ARSH: variants seen among roughly 807,000 people sequenced by gnomAD.
ARSH encodes the protein arylsulfatase family member H, also known as arylsulfatase H.
A neutral mutation model predicts 28.7 loss-of-function variants in ARSH; 32 were observed. That is an observed-to-expected ratio of 1.11 (90% CI 0.84 to 1.50). The LOEUF (loss-of-function observed/expected upper bound fraction) is 1.50. Among genes scored for constraint, ARSH ranks in the 40% most tolerant of loss-of-function variants. The pLI, the probability that ARSH is intolerant of heterozygous loss-of-function variation, is 0.00. For missense variants in ARSH, 440 were observed against 452.4 expected (o/e 0.97, Z 0.25); for synonymous variants, 176 against 177.3 (o/e 0.99, Z 0.06).
intron 2 of ARSH, 33 bp downstream of exon 2, chrX:3,010,184 C>G (rs1186761543): frequency 1.7e-6 from 2 of 1,196,440 alleles, no homozygotes; most frequent in East Asian, 6.0e-5. Context: ...ACATTTCAGT[C>G]TCACCAGAAT....
rs777643337 is a variant in ARSH, at chrX:3,029,215, A to G, written c.1200-32A>G. 16 of 1,189,173 alleles carry G rather than the reference A, an allele frequency of 1.3e-5. No individual in the cohort carries two copies. In the Middle Eastern group the frequency reaches 7.0e-4, roughly 52 times the overall value. On this transcript the variant is annotated intron_variant, in intron 7 of 8. Transcript: ENST00000381130. Reference sequence around the variant, plus strand: ...TGCGTGACTGAACCATGCCTCTCTCATCACCTTCTACACACCCCCTTCTCT... The same window carrying G: ...TGCGTGACTGAACCATGCCTCTCTCGTCACCTTCTACACACCCCCTTCTCT...
Position 3,015,338 on chromosome X carries a change from A to G in ARSH, c.709A>G (p.Lys237Glu), listed in dbSNP as rs369509473. 1 of 1,210,113 alleles carries G rather than the reference A, an allele frequency of 8.3e-7. No homozygotes were observed. Among genetic ancestry groups the G allele is most frequent in the Non-Finnish European group, 1.1e-6 (1 of 895,319 alleles). ...CCATGAAATTATCCAGCAGCCAATGAAAGAGGAGAAAGTAGCTTCCCTCAT... is the reference window on the plus strand; with the variant it reads ...CCATGAAATTATCCAGCAGCCAATGGAAGAGGAGAAAGTAGCTTCCCTCAT... Reference protein sequence around the residue: ...RNHEIIQQPMKEEKVASLMLK... With the variant: ...RNHEIIQQPMEEEKVASLMLK... The change falls in exon 4 of 9, where the codon AAA becomes GAA. Residue 237 changes from lysine to glutamate, a missense_variant. Transcript: ENST00000381130.
intron 1 of ARSH, among the ~76,000 whole-genome samples, chrX:3,006,973 G>A (rs781446051): frequency 9.0e-6 from 1 of 110,831 alleles, no homozygotes; most frequent in African/African-American, 3.3e-5. Context: ...CAGGCATGGC[G>A]GCTCAAGCCT....
In ARSH at chrX:3,006,913, C is replaced by T. The variant is rs181271675; in HGVS notation, c.92+209C>T. Among the ~76,000 whole-genome samples the T allele has an allele frequency of 1.4e-3, 158 of 110,788 alleles. 1 individual carries two copies. Among genetic ancestry groups the T allele is most frequent in the African/African-American group, 5.0e-3 (152 of 30,545 alleles). ...CTTAGATTCTAGCTGTTGGTGGTGG[C>T]GTTTTCATTGTTGGGCAAAATTTAC... On this transcript the variant is annotated intron_variant, in intron 1 of 8. Coordinates refer to ENST00000381130, the MANE Select transcript of ARSH (RefSeq NM_001011719.2).
chrX:3,018,786 G>T, intron 5 of ARSH, 116 bp downstream of exon 5: 1 of 786,397 alleles, frequency 1.3e-6, no homozygotes, highest in Non-Finnish European at 1.8e-6. Flanking sequence ...TACCTGAAAA[G>T]TATCTGTTTC....
intron 2 of ARSH, among the ~76,000 whole-genome samples, chrX:3,012,466 G>C (rs192219620): frequency 0.011 from 967 of 91,431 alleles, 14 homozygotes; most frequent in African/African-American, 0.038. Flanking sequence ...GCTTGAACCT[G>C]GGAGGCGGAG....
At chrX:3,015,806 C>G (rs1341951673) in intron 4 of ARSH, among the ~76,000 whole-genome samples, 1 of 109,678 alleles carries the variant, frequency 9.1e-6, no homozygotes, top group African/African-American at 3.3e-5. Flanking sequence ...CACATGGAGA[C>G]CCTGTATCGA....
At chrX:3,006,803 C>G in intron 1 of ARSH, 99 bp downstream of exon 1, 1 of 721,882 alleles carries the variant, frequency 1.4e-6, no homozygotes, top group East Asian at 3.4e-5. Flanking sequence ...GGAGAGAAGT[C>G]ATTGTCTGAT....
intron 5 of ARSH, among the ~76,000 whole-genome samples, chrX:3,022,409 T>C (rs192901096): frequency 8.9e-6 from 1 of 112,125 alleles, no homozygotes; most frequent in Non-Finnish European, 1.9e-5. Context: ...AAATAGTATA[T>C]GTCACTTCTA....
chrX:3,007,844 G>T (rs1447036638), intron 1 of ARSH, among the ~76,000 whole-genome samples: 2 of 111,288 alleles, frequency 1.8e-5, no homozygotes. Flanking sequence ...TGGGCTTGGA[G>T]ATGCCGTCTT....
chrX:3,029,256 C>A lies in ARSH; in HGVS notation c.1209C>A (p.Asp403Glu). ...CCCCTTCTCTCCCAAGAGTGATTGA[C>A]GGCCAGAACCTAATGCCCCTGCTGG... is the stretch of plus-strand genomic sequence containing the variant. ...GGILSQDRVIDGQNLMPLLEG... is the reference protein window; with the variant it reads ...GGILSQDRVIEGQNLMPLLEG... Residue 403 changes from aspartate to glutamate, a missense_variant, in exon 8 of 9, where the codon GAC becomes GAA. Physicochemically the swap from Asp to Glu is conservative, Grantham distance 45 (BLOSUM62 2). Transcript: ENST00000381130. The A allele has an allele frequency of 8.3e-7, 1 of 1,209,429 alleles. No homozygotes were observed. The highest frequency in any genetic ancestry group is 1.1e-6 in the Non-Finnish European group (1 of 894,594).
Position 3,015,067 on chromosome X carries a change from A to G in ARSH, c.438A>G (p.Gly146=). The G allele has an allele frequency of 8.3e-7, 1 of 1,210,473 alleles. No homozygotes were observed. The highest frequency in any genetic ancestry group is 3.0e-5 in the East Asian group (1 of 33,823). The change falls in exon 4 of 9, where the codon GGA becomes GGG. Residue 146 remains glycine (G), a synonymous_variant. Coordinates refer to ENST00000381130, the MANE Select transcript of ARSH (RefSeq NM_001011719.2). Reference sequence around the variant, plus strand: ...ACTACTTTTACGGGGTGCCTTTTGGACTTTTAAGCGACTGCCAGGCATCCA... The same window carrying G: ...ACTACTTTTACGGGGTGCCTTTTGGGCTTTTAAGCGACTGCCAGGCATCCA... ...GFHYFYGVPF[G]LLSDCQASKT...
At chrX:3,012,945 T>C (rs2089854978) in intron 2 of ARSH, 102 bp from the exon 3 acceptor site, 3 of 998,815 alleles carry the variant, frequency 3.0e-6, no homozygotes, top group Non-Finnish European at 4.0e-6. Context: ...TGGGGAAGAA[T>C]GGCTTTGAGG....
chrX:3,013,050 T>C lies in ARSH; in HGVS notation c.218T>C (p.Met73Thr). 2.5e-6 allele frequency: 3 copies of C among 1,209,153 alleles called. No individual in the cohort carries two copies. The South Asian group carries it at 5.3e-5, about 21-fold the overall frequency. Residue 73 changes from methionine (M) to threonine (T), a missense_variant, in exon 3 of 9, where the codon ATG (methionine) becomes ACG (threonine). Transcript: ENST00000381130. ...TTATTGACTTCTGTGAATTTAGGGA[T>C]GGTGTCTGCCTACAACCTGAACCGT... is the stretch of plus-strand genomic sequence containing the variant. Reference protein sequence around the residue: ...LTGRYPIRSGMVSAYNLNRAF... With the variant: ...LTGRYPIRSGTVSAYNLNRAF...
Position 3,033,106 on chromosome X carries a change from T to C in ARSH, c.1410T>C (p.Cys470=). The change falls in exon 9 of 9, where the codon TGT becomes TGC. Residue 470 remains cysteine (C), a synonymous_variant. Coordinates refer to ENST00000381130, the MANE Select transcript of ARSH (RefSeq NM_001011719.2). ...GCTATGGGAGTGGAATATGTTCATG[T>C]TCGGGGGATGTAACCTACCACGACC... ...GACYGSGICS[C]SGDVTYHDPP... is the part of the protein sequence containing the mutation. 2.5e-6 allele frequency: 3 copies of C among 1,211,490 alleles called. No individual in the cohort carries two copies. The highest frequency in any genetic ancestry group is 2.2e-6 in the Non-Finnish European group (2 of 895,451).
intron 8 of ARSH, among the ~76,000 whole-genome samples, chrX:3,032,501 AAGG>A (rs747517342): frequency 2.9e-5 from 3 of 102,690 alleles, no homozygotes; most frequent in Non-Finnish European, 6.0e-5. Flanking sequence ...GGAGAGAAGG[AAGG>A]AGGGAAAGAA....
intron 3 of ARSH, among the ~76,000 whole-genome samples, chrX:3,014,153 G>A (rs745591496): frequency 1.8e-5 from 2 of 111,431 alleles, no homozygotes; most frequent in Non-Finnish European, 3.8e-5. Flanking sequence ...TATAGTCCCA[G>A]CTACTCAGGA....
chrX:3,015,328 G>A lies in ARSH; in HGVS notation c.699G>A (p.Gln233=). 2 of 1,211,714 alleles carry A rather than the reference G, an allele frequency of 1.7e-6. No individual in the cohort carries two copies. Among genetic ancestry groups the A allele is most frequent in the Non-Finnish European group, 2.2e-6 (2 of 895,500 alleles). The stretch of plus-strand genomic sequence containing the variant: ...TTATGAGGAACCATGAAATTATCCA[G>A]CAGCCAATGAAAGAGGAGAAAGTAG... The part of the protein sequence containing the change: ...CILMRNHEII[Q]QPMKEEKVAS... Residue 233 remains glutamine (Q), a synonymous_variant, in exon 4 of 9, where the codon CAG becomes CAA. Coordinates refer to ENST00000381130, the MANE Select transcript of ARSH (RefSeq NM_001011719.2).
At chrX:3,010,811 C>T (rs762002561) in intron 2 of ARSH, among the ~76,000 whole-genome samples, 43 of 111,722 alleles carry the variant, frequency 3.8e-4, no homozygotes, top group Non-Finnish European at 1.9e-4. Context: ...TGTGAAATAT[C>T]GTGTCATGCT....
Sources: allele counts gnomAD v4.1 joint callset (sites outside exome capture counted in the v4.1 genomes callset), GRCh38; gene constraint gnomAD v4.1.1; transcripts MANE v1.5; gene names NCBI Gene and HGNC (gene_info 2026-07-23, HGNC 2026-07-21).